Variants in NEO1 observed in about 807,000 individuals in gnomAD.
NEO1 encodes neogenin.
A neutral mutation model predicts 159.7 loss-of-function variants in NEO1; 63 were observed. The ratio of observed to expected loss-of-function variants is 0.39; its 90% CI spans 0.32 to 0.49. The LOEUF (loss-of-function observed/expected upper bound fraction) is 0.49. Among genes scored for constraint, NEO1 ranks in the 20% least tolerant of loss-of-function variants. NEO1 has a pLI of 0.85. For missense variants in NEO1, 1,615 were observed against 1,831.0 expected (o/e 0.88, Z 2.15); for synonymous variants, 633 against 662.0 (o/e 0.96, Z 0.67).
intron 7 of NEO1, among the ~76,000 whole-genome samples, chr15:73,216,521 A>G (rs984389514): frequency 6.6e-5 from 10 of 152,316 alleles, no homozygotes; most frequent in African/African-American, 2.4e-4. Context: ...GACTTCCACA[A>G]TGGTTGAACT....
chr15:73,224,384 G>A (rs1198223770), intron 7 of NEO1, among the ~76,000 whole-genome samples: 2 of 152,072 alleles, frequency 1.3e-5, no homozygotes, highest in African/African-American at 2.4e-5. Flanking sequence ...AGTTTCCCTC[G>A]AACATTTTCC....
At chr15:73,122,084 TA>T (rs1228597335) in intron 2 of NEO1, among the ~76,000 whole-genome samples, 1 of 92,924 alleles carries the variant, frequency 1.1e-5, no homozygotes, top group East Asian at 2.2e-4. Context: ...TATATATATA[TA>T]TATATATATA....
intron 5 of NEO1, among the ~76,000 whole-genome samples, chr15:73,149,707 A>T (rs1159098180): frequency 6.6e-6 from 1 of 152,240 alleles, no homozygotes; most frequent in Non-Finnish European, 1.5e-5. Flanking sequence ...AAACATTTTT[A>T]AAATATTTAA....
At chr15:73,268,558 C>G (rs2041023087) in intron 16 of NEO1, among the ~76,000 whole-genome samples, 1 of 152,136 alleles carries the variant, frequency 6.6e-6, no homozygotes, top group South Asian at 2.1e-4. Context: ...CCTCATTGCA[C>G]AGGAAATACA....
At chr15:73,288,830 G>A (rs1166190240) in intron 24 of NEO1, among the ~76,000 whole-genome samples, 1 of 152,178 alleles carries the variant, frequency 6.6e-6, no homozygotes, top group Non-Finnish European at 1.5e-5. Flanking sequence ...GCTAGCCCAT[G>A]TCTGTGCATT....
At chr15:73,295,853 C>A (rs998883489) in intron 26 of NEO1, among the ~76,000 whole-genome samples, 2 of 152,166 alleles carry the variant, frequency 1.3e-5, no homozygotes, top group Non-Finnish European at 1.5e-5. Context: ...AAAGCACTTT[C>A]CTCTTGTCCA....
chr15:73,216,041 C>T (rs1220424840), intron 7 of NEO1, among the ~76,000 whole-genome samples: 5 of 151,916 alleles, frequency 3.3e-5, no homozygotes, highest in Non-Finnish European at 7.4e-5. Context: ...ACTAACTCGT[C>T]ATCTAGCATT....
At chr15:73,064,785 G>C (rs1384109317) in intron 1 of NEO1, among the ~76,000 whole-genome samples, 1 of 152,146 alleles carries the variant, frequency 6.6e-6, no homozygotes, top group Non-Finnish European at 1.5e-5. Context: ...ATATATTTAT[G>C]TTATGTTTGT....
At chr15:73,100,101 C>T (rs1192698356) in intron 1 of NEO1, among the ~76,000 whole-genome samples, 1 of 152,036 alleles carries the variant, frequency 6.6e-6, no homozygotes, top group Admixed American at 6.6e-5. Context: ...GTTCTTTAAC[C>T]TCGTCATCTC....
intron 7 of NEO1, among the ~76,000 whole-genome samples, chr15:73,230,316 A>G (rs1343312130): frequency 6.6e-6 from 1 of 151,856 alleles, no homozygotes; most frequent in African/African-American, 2.4e-5. Flanking sequence ...AATATGTCTG[A>G]TTGGTTGGCA....
chr15:73,077,743 A>G (rs2068844432), intron 1 of NEO1, among the ~76,000 whole-genome samples: 1 of 152,180 alleles, frequency 6.6e-6, no homozygotes, highest in South Asian at 2.1e-4. Flanking sequence ...AACAAATGGC[A>G]TATCATACGT....
chr15:73,218,131 A>G (rs777936907), intron 7 of NEO1, among the ~76,000 whole-genome samples: 32 of 152,212 alleles, frequency 2.1e-4, no homozygotes, highest in African/African-American at 7.2e-4. Context: ...AGTTTTTAGC[A>G]TGAACGGCTG....
intron 1 of NEO1, among the ~76,000 whole-genome samples, chr15:73,109,840 C>T (rs2070879269): frequency 1.3e-5 from 2 of 151,930 alleles, no homozygotes; most frequent in South Asian, 2.1e-4. Flanking sequence ...CATGTTTTCC[C>T]CAGGAGAGGG....
intron 8 of NEO1, among the ~76,000 whole-genome samples, chr15:73,241,140 G>C (rs1175000764): frequency 6.6e-6 from 1 of 152,140 alleles, no homozygotes; most frequent in Admixed American, 6.5e-5. Context: ...AGATTTCAGA[G>C]GGTCCTTCCT....
intron 1 of NEO1, among the ~76,000 whole-genome samples, chr15:73,054,497 A>G (rs1336546581): frequency 5.3e-5 from 8 of 152,180 alleles, no homozygotes; most frequent in Non-Finnish European, 8.8e-5. Flanking sequence ...CCATCCATCT[A>G]CTGATTATAT....
At chr15:73,144,817 C>T (rs1372895432) in intron 5 of NEO1, among the ~76,000 whole-genome samples, 1 of 152,208 alleles carries the variant, frequency 6.6e-6, no homozygotes, top group African/African-American at 2.4e-5. Flanking sequence ...GATAGTGTCA[C>T]TGCCTACCTT....
At chr15:73,281,913 T>C (rs1211852382) in intron 22 of NEO1, among the ~76,000 whole-genome samples, 2 of 152,220 alleles carry the variant, frequency 1.3e-5, no homozygotes, top group African/African-American at 4.8e-5. Flanking sequence ...GCTCATCCTT[T>C]CAGCAATGGG....
rs78485257 is a variant in NEO1 at position 73,152,754 on chromosome 15, A to G, written c.1015+16727A>G. Among the ~76,000 whole-genome samples, 1,143 of 152,118 alleles carry G rather than the reference A, an allele frequency of 7.5e-3. 16 individuals carry two copies. Among genetic ancestry groups the G allele is most frequent in the African/African-American group, 0.027 (1,112 of 41,476 alleles). On this transcript the variant is annotated intron_variant, in intron 5 of 28. Transcript: ENST00000261908. ...CTGCAGGTAGATAGTGTTGGAATTG[A>G]ATTGGAGAATACCCAGCTGGTGTCC...
intron 12 of NEO1, among the ~76,000 whole-genome samples, chr15:73,254,158 A>G (rs923265958): frequency 3.9e-5 from 6 of 152,032 alleles, no homozygotes; most frequent in East Asian, 1.9e-4. Context: ...CTACTACACT[A>G]TAGCCTGGGT....
Sources: gnomAD v4.1 joint callset for allele counts (sites outside exome capture counted in the v4.1 genomes callset) on GRCh38, gnomAD v4.1.1 for gene constraint, MANE v1.5 for transcripts, NCBI Gene and HGNC (gene_info 2026-07-23, HGNC 2026-07-21) for gene names.